MACROD2: variants seen among roughly 807,000 people sequenced by gnomAD.
MACROD2 encodes the protein ADP-ribose glycohydrolase MACROD2.
In MACROD2, 36 loss-of-function variants were observed where a neutral mutation model predicts 70.4. The observed-to-expected ratio is 0.51, with a 90% CI of 0.39 to 0.68. The LOEUF (loss-of-function observed/expected upper bound fraction) is 0.68. Ranked by LOEUF, MACROD2 falls within the 30% of genes least tolerant of loss-of-function variation. The pLI is 0.00. For synonymous variants in MACROD2, 172 were observed against 178.8 expected (o/e 0.96, Z 0.30); for missense variants, 496 against 538.4 (o/e 0.92, Z 0.78).
rs560246197 is a variant in MACROD2, at chr20:15,948,074, G to T, written c.907+10530G>T. 1.1e-4 allele frequency among the ~76,000 whole-genome samples: 16 copies of T among 152,076 alleles called. No individual in the cohort carries two copies. In the South Asian group the frequency reaches 1.7e-3, roughly 16 times the overall value. On this transcript the variant is annotated intron_variant, in intron 12 of 17. Transcript: ENST00000684519. ...CTTGGGTTTTCCTGTTGAGAGGGGG[G>T]ACTGAGAGACAGGACTAGCTGGATT...
chr20:14,513,124 A>C (rs2085049219), intron 4 of MACROD2, among the ~76,000 whole-genome samples: 1 of 152,130 alleles, frequency 6.6e-6, no homozygotes. Flanking sequence ...GGTTGTGATA[A>C]ATGCTTGTGA....
chr20:16,001,430 T>A (rs1250015733), intron 15 of MACROD2, among the ~76,000 whole-genome samples: 1 of 152,232 alleles, frequency 6.6e-6, no homozygotes, highest in African/African-American at 2.4e-5. Context: ...ATTGATTGTA[T>A]GTGATTGCTT....
chr20:14,871,180 T>G (rs1355860711), intron 5 of MACROD2, among the ~76,000 whole-genome samples: 1 of 151,996 alleles, frequency 6.6e-6, no homozygotes, highest in Non-Finnish European at 1.5e-5. Flanking sequence ...AGTAAGATAC[T>G]TCACAAGAAC....
At chr20:14,061,206 C>T (rs17812604) in intron 2 of MACROD2, among the ~76,000 whole-genome samples, 2,327 of 152,192 alleles carry the variant, frequency 0.015, 18 homozygotes, top group Non-Finnish European at 0.027. Flanking sequence ...ATTACATCTT[C>T]TATTAATAGA....
chr20:15,869,210 C>CATTATATAT (rs1555788799), intron 9 of MACROD2, among the ~76,000 whole-genome samples: 3 of 51,908 alleles, frequency 5.8e-5, no homozygotes, highest in African/African-American at 1.8e-4. Context: ...ATGTGATTAA[C>CATTATATAT]ATATATATAT....
At chr20:15,287,171 G>A (rs2077499724) in intron 6 of MACROD2, among the ~76,000 whole-genome samples, 1 of 152,128 alleles carries the variant, frequency 6.6e-6, no homozygotes, top group South Asian at 2.1e-4. Context: ...GTCATTAAAA[G>A]AATAAGAAAA....
At chr20:15,946,238 G>A (rs1021790286) in intron 12 of MACROD2, among the ~76,000 whole-genome samples, 2 of 152,012 alleles carry the variant, frequency 1.3e-5, no homozygotes, top group Admixed American at 6.6e-5. Context: ...CTGCCCTCAC[G>A]CTGTCACATC....
In MACROD2 at chr20:15,368,847, A is replaced by G. The variant is rs553433212; in HGVS notation, c.541-62558A>G. On this transcript the variant is annotated intron_variant, in intron 6 of 17. Coordinates refer to ENST00000684519, the MANE Select transcript of MACROD2 (RefSeq NM_001351661.2). ...TTGCTAGTTTCAACCTGAGTTGTTA[A>G]TACATTTAACGTGGGTTCATTAGTG... Among the ~76,000 whole-genome samples, 18 of 152,322 alleles carry G rather than the reference A, an allele frequency of 1.2e-4. 1 individual carries two copies. The highest frequency in any genetic ancestry group is 7.8e-4 in the Admixed American group (12 of 15,300).
chr20:14,223,249 A>T (rs1466435903), intron 3 of MACROD2: 1 of 152,280 alleles, frequency 6.6e-6, no homozygotes, highest in African/African-American at 2.4e-5. Flanking sequence ...GAAGAGGTCA[A>T]AACTCCCATG....
chr20:14,647,352 A>G (rs1191726526), intron 4 of MACROD2, among the ~76,000 whole-genome samples: 1 of 152,168 alleles, frequency 6.6e-6, no homozygotes, highest in East Asian at 1.9e-4. Flanking sequence ...ATTTTGGCAG[A>G]GGCAGAAATC....
intron 5 of MACROD2, among the ~76,000 whole-genome samples, chr20:15,114,718 AC>A (rs1742568895): frequency 6.6e-6 from 1 of 152,222 alleles, no homozygotes; most frequent in South Asian, 2.1e-4. Context: ...GAAAACTAAT[AC>A]AATCAAGCAC....
chr20:14,875,137 C>T (rs1386056052), intron 5 of MACROD2, among the ~76,000 whole-genome samples: 1 of 151,946 alleles, frequency 6.6e-6, no homozygotes, highest in Non-Finnish European at 1.5e-5. Flanking sequence ...AATCCTAGCA[C>T]TTTGGGAGGC....
chr20:15,743,975 G>A (rs993686858), intron 8 of MACROD2, among the ~76,000 whole-genome samples: 4 of 152,114 alleles, frequency 2.6e-5, no homozygotes, highest in Non-Finnish European at 5.9e-5. Context: ...ACTGTTGCCA[G>A]CACACAAGAA....
At chr20:15,106,665 T>C (rs2075912999) in intron 5 of MACROD2, among the ~76,000 whole-genome samples, 1 of 152,162 alleles carries the variant, frequency 6.6e-6, no homozygotes, top group Non-Finnish European at 1.5e-5. Flanking sequence ...TCACCCCAGA[T>C]AGTGGTTCTT....
chr20:15,121,672 CTGTT>C (rs909244389), intron 5 of MACROD2, among the ~76,000 whole-genome samples: 1 of 152,064 alleles, frequency 6.6e-6, no homozygotes, highest in African/African-American at 2.4e-5. Flanking sequence ...TTACCACAGC[CTGTT>C]TGTTATTTAT....
At position 14,158,392 on chromosome 20, in the gene MACROD2, A is replaced by G. The variant is rs976698591; in HGVS notation, c.271+72664A>G. ...TCTCCCATTCATCTGCTGTCTTTTT[A>G]CTCTTGTTTTTCTTGCTGGGTAGAA... On this transcript the variant is annotated intron_variant, in intron 3 of 17. Coordinates refer to ENST00000684519, the MANE Select transcript of MACROD2 (RefSeq NM_001351661.2). 1.5e-4 allele frequency among the ~76,000 whole-genome samples: 22 copies of G among 151,468 alleles called. 1 individual carries two copies. The highest frequency in any genetic ancestry group is 2.9e-5 in the Non-Finnish European group (2 of 67,852).
intron 8 of MACROD2, among the ~76,000 whole-genome samples, chr20:15,810,387 G>A (rs978299887): frequency 4.0e-5 from 6 of 151,304 alleles, no homozygotes; most frequent in African/African-American, 1.2e-4. Flanking sequence ...CCCAGTAATG[G>A]GATGGCTGGG....
At chr20:15,416,858 G>A (rs892165623) in intron 6 of MACROD2, among the ~76,000 whole-genome samples, 13 of 151,914 alleles carry the variant, frequency 8.6e-5, no homozygotes, top group East Asian at 1.9e-4. Flanking sequence ...AGCCGAGATC[G>A]CGCCACTGCA....
At chr20:15,374,385 A>T (rs1352900791) in intron 6 of MACROD2, among the ~76,000 whole-genome samples, 9 of 152,024 alleles carry the variant, frequency 5.9e-5, no homozygotes, top group Non-Finnish European at 1.3e-4. Context: ...AATCACTTAT[A>T]TGTGTGTATG....
Sources: gnomAD v4.1 joint callset for allele counts (sites outside exome capture counted in the v4.1 genomes callset) on GRCh38, gnomAD v4.1.1 for gene constraint, MANE v1.5 for transcripts, NCBI Gene and HGNC (gene_info 2026-07-23, HGNC 2026-07-21) for gene names.